MADD: variants seen among roughly 807,000 people sequenced by gnomAD.
The protein encoded by MADD is MAP kinase-activating death domain protein.
In MADD, 109 loss-of-function variants were observed where a neutral mutation model predicts 176.7. The ratio of observed to expected loss-of-function variants is 0.62; its 90% CI spans 0.53 to 0.72. MADD has a LOEUF of 0.72. Ranked by LOEUF, MADD falls within the 30% of genes least tolerant of loss-of-function variation. The pLI is 0.00. For synonymous variants in MADD, 771 were observed against 771.3 expected (o/e 1.00, Z 0.01); for missense variants, 1,914 against 2,045.5 (o/e 0.94, Z 1.24).
In MADD at chr11:47,309,499, CT is replaced by C; in HGVS notation, c.3873-7del. 1 of 1,614,128 alleles carries C rather than the reference CT, an allele frequency of 6.2e-7. No individual in the cohort carries two copies. The highest frequency in any genetic ancestry group is 8.5e-7 in the Non-Finnish European group (1 of 1,179,922). ...TGAGGGCTGACTTGTGCTTGGTCTT[CT>C]CCTTAGGTACCTGTCCCTTGGAGAA... On this transcript the variant is annotated splice_region_variant and splice_polypyrimidine_tract_variant and intron_variant, in intron 24 of 32. Transcript: ENST00000402192.
chr11:47,307,045 G>A (rs2083317555), intron 22 of MADD, among the ~76,000 whole-genome samples: 1 of 151,182 alleles, frequency 6.6e-6, no homozygotes, highest in Admixed American at 6.6e-5. Flanking sequence ...GGGACTGTAG[G>A]CATGCACCAT....
exon 23 of MADD, chr11:47,308,616 G>A (rs946652400): frequency 1.2e-6 from 2 of 1,613,876 alleles, no homozygotes; most frequent in Non-Finnish European, 1.7e-6. Context: ...TTGAAGCCAA[G>A]CATAAAGGAG....
chr11:47,306,804 G>A (rs2083087329), intron 22 of MADD, among the ~76,000 whole-genome samples: 1 of 152,060 alleles, frequency 6.6e-6, no homozygotes, highest in Admixed American at 6.5e-5. Flanking sequence ...CTTTGTGAGG[G>A]GGATGTGCTT....
In MADD at chr11:47,290,822, T is replaced by C; in HGVS notation, c.3301+6T>C. ...AAATTTTATAGCATCTATTGGTACGTATCAGTGTGTTTGGTGTGGTGGAGG... is the reference window on the plus strand; with the variant it reads ...AAATTTTATAGCATCTATTGGTACGCATCAGTGTGTTTGGTGTGGTGGAGG... On this transcript the variant is annotated splice_donor_region_variant and intron_variant, in intron 19 of 32. Transcript: ENST00000402192. 6.2e-7 allele frequency: 1 copy of C among 1,600,086 alleles called. No homozygotes were observed. The highest frequency in any genetic ancestry group is 1.1e-5 in the South Asian group (1 of 90,792).
At chr11:47,276,459 A>G (rs1489345234) in intron 4 of MADD, among the ~76,000 whole-genome samples, 1 of 152,214 alleles carries the variant, frequency 6.6e-6, no homozygotes, top group African/African-American at 2.4e-5. Context: ...TTCTTTGGAA[A>G]TATCAGTAGT....
At chr11:47,316,342 T>C (rs1208817935) in intron 27 of MADD, among the ~76,000 whole-genome samples, 1 of 152,024 alleles carries the variant, frequency 6.6e-6, no homozygotes, top group African/African-American at 2.4e-5. Flanking sequence ...ACCACTTTTA[T>C]TGGTTTCCTT....
intron 10 of MADD, 129 bp from the exon 11 acceptor site, chr11:47,284,048 CT>C: frequency 3.0e-6 from 2 of 671,884 alleles, no homozygotes; most frequent in South Asian, 3.5e-5. Context: ...TTTTTCTTGG[CT>C]TCTTTATTTG....
intron 22 of MADD, among the ~76,000 whole-genome samples, chr11:47,300,686 C>CAG: frequency 6.6e-6 from 1 of 152,178 alleles, no homozygotes; most frequent in East Asian, 1.9e-4. Flanking sequence ...TTAGTAGAGA[C>CAG]AGAGTTTCAC....
intron 22 of MADD, among the ~76,000 whole-genome samples, chr11:47,307,155 C>T (rs372420413): frequency 1.2e-4 from 18 of 151,306 alleles, no homozygotes; most frequent in African/African-American, 4.1e-4. Flanking sequence ...CTTAAGTGAT[C>T]CTCCTGTTTC....
chr11:47,282,928 A>G lies in MADD; in HGVS notation c.1821A>G (p.Val607=), dbSNP rs748932392. Residue 607 remains valine (V), a synonymous_variant, in exon 10 of 33, where the codon GTA becomes GTG. Coordinates refer to ENST00000402192, the Ensembl canonical transcript of MADD. ...CCCAGCTGGCTGAGGCCCTGAGTGT[A>G]CCACCAGAGCGGGACTCTGACTCCG... The G allele has an allele frequency of 3.7e-6, 6 of 1,613,926 alleles. No individual in the cohort carries two copies. In the Admixed American group the frequency reaches 6.7e-5, roughly 18 times the overall value.
At chr11:47,322,452 T>A (rs1169779366) in intron 27 of MADD, among the ~76,000 whole-genome samples, 3 of 151,342 alleles carry the variant, frequency 2.0e-5, no homozygotes, top group Admixed American at 6.6e-5. Flanking sequence ...CTTAAAAAAA[T>A]ATATAAAAAA....
intron 21 of MADD, 74 bp downstream of exon 23, chr11:47,295,653 C>T: frequency 6.2e-7 from 1 of 1,601,932 alleles, no homozygotes; most frequent in Non-Finnish European, 8.5e-7. Flanking sequence ...GCTACTTTCT[C>T]TTTGGAGGCT....
At chr11:47,313,009 A>T (rs753112487) in intron 26 of MADD, among the ~76,000 whole-genome samples, 25 of 152,224 alleles carry the variant, frequency 1.6e-4, no homozygotes, top group Non-Finnish European at 3.1e-4. Context: ...AAGGACAATT[A>T]ATAAACCATG....
chr11:47,277,278 T>C (rs200313158), intron 5 of MADD, among the ~76,000 whole-genome samples: 1 of 14 alleles, frequency 0.071, no homozygotes, highest in Non-Finnish European at 0.17. Flanking sequence ...AGAGTAACAG[T>C]TTTCTCTTTG....
At chr11:47,303,010 A>G (rs58146018) in intron 22 of MADD, among the ~76,000 whole-genome samples, 2,479 of 152,092 alleles carry the variant, frequency 0.016, 79 homozygotes, top group African/African-American at 0.057. Flanking sequence ...ATGTCTTGTA[A>G]GGGTGTGATG....
chr11:47,276,241 C>G (rs754965919), intron 4 of MADD, 39 bp downstream of exon 4: 8 of 1,543,940 alleles, frequency 5.2e-6, no homozygotes, highest in Non-Finnish European at 6.1e-6. Flanking sequence ...AGGGGAGAAA[C>G]TCTTAAATAT....
In MADD at chr11:47,282,379, A is replaced by G; in HGVS notation, c.1470-2A>G. On this transcript the variant is annotated splice_acceptor_variant, in intron 8 of 32. Transcript: ENST00000402192. LOFTEE classifies it high-confidence loss of function. ...AGATTATCTCATCATCTGCTTCCCC[A>G]GGGTTGCCATGGTACGGTTCTTCAA... 1 of 1,613,570 alleles carries G rather than the reference A, an allele frequency of 6.2e-7. No individual in the cohort carries two copies. The highest frequency in any genetic ancestry group is 8.5e-7 in the Non-Finnish European group (1 of 1,179,514).
chr11:47,300,588 C>T (rs1273524509), intron 22 of MADD, among the ~76,000 whole-genome samples: 2 of 152,042 alleles, frequency 1.3e-5, no homozygotes, highest in African/African-American at 2.4e-5. Context: ...ACCTCTGCCT[C>T]CCAGGTTCAA....
intron 27 of MADD, among the ~76,000 whole-genome samples, chr11:47,321,197 A>G (rs1354436029): frequency 6.6e-6 from 1 of 152,120 alleles, no homozygotes; most frequent in African/African-American, 2.4e-5. Context: ...GTTCTCCTAA[A>G]TGTGTTCTGC....
Sources: allele counts gnomAD v4.1 joint callset (sites outside exome capture counted in the v4.1 genomes callset), GRCh38; gene constraint gnomAD v4.1.1; transcripts MANE v1.5; gene names NCBI Gene and HGNC (gene_info 2026-07-23, HGNC 2026-07-21).